The following SV2C variants were observed in gnomAD, a reference collection of about 807,000 sequenced individuals.
The protein encoded by SV2C is synaptic vesicle glycoprotein 2C, also known as solute carrier family 22 member B3.
In SV2C, 49 loss-of-function variants were observed where a neutral mutation model predicts 79.7. The observed-to-expected ratio is 0.61, with a 90% CI of 0.49 to 0.78. The LOEUF (loss-of-function observed/expected upper bound fraction) is 0.78, where lower values mean the gene tolerates loss of function less well. SV2C is among the 30% of genes least tolerant of loss of function. The pLI is 0.00. For missense variants in SV2C, 833 were observed against 912.9 expected (o/e 0.91, Z 1.13); for synonymous variants, 334 against 333.2 (o/e 1.00, Z -0.03).
the SV2C span, among the ~76,000 whole-genome samples, chr5:75,979,349 C>G: frequency 6.6e-6 from 1 of 151,920 alleles, no homozygotes; most frequent in Non-Finnish European, 1.5e-5. Flanking sequence ...CAGAAATATT[C>G]ATGACCTGAA....
the SV2C span, chr5:75,911,420 G>A: frequency 1.9e-6 from 2 of 1,042,150 alleles, no homozygotes; most frequent in East Asian, 4.7e-5. Flanking sequence ...CCCCCTAGTA[G>A]GCCTCCTCCA....
At chr5:75,874,874 G>T in the SV2C span, among the ~76,000 whole-genome samples, 1 of 151,892 alleles carries the variant, frequency 6.6e-6, no homozygotes, top group African/African-American at 2.4e-5. Context: ...CTCTGCAATG[G>T]GAATTATAAA....
At chr5:76,137,734 C>G (rs1749115743) in intron 2 of SV2C, among the ~76,000 whole-genome samples, 1 of 152,166 alleles carries the variant, frequency 6.6e-6, no homozygotes, top group Non-Finnish European at 1.5e-5. Flanking sequence ...TGTTTCCCTT[C>G]AGAACCAGTA....
the SV2C span, among the ~76,000 whole-genome samples, chr5:75,953,741 C>A: frequency 6.6e-6 from 1 of 151,938 alleles, no homozygotes; most frequent in Non-Finnish European, 1.5e-5. Context: ...GCGTTTTATA[C>A]CATTTCTCAG....
chr5:76,010,973 C>A, the SV2C span, among the ~76,000 whole-genome samples: 5 of 152,150 alleles, frequency 3.3e-5, no homozygotes, highest in Admixed American at 1.3e-4. Context: ...CCATTGCTAG[C>A]CTATGAAGCA....
chr5:75,965,107 C>G, the SV2C span, among the ~76,000 whole-genome samples: 3 of 152,128 alleles, frequency 2.0e-5, no homozygotes, highest in Non-Finnish European at 4.4e-5. Context: ...CTTGCAGACA[C>G]TTTGACTTGC....
At chr5:76,019,396 C>G in the SV2C span, among the ~76,000 whole-genome samples, 2 of 152,072 alleles carry the variant, frequency 1.3e-5, no homozygotes, top group Non-Finnish European at 2.9e-5. Context: ...TGCTCACCCT[C>G]CTTTTGAGAA....
intron 1 of SV2C, among the ~76,000 whole-genome samples, chr5:76,096,117 G>A (rs551797364): frequency 2.0e-4 from 31 of 152,162 alleles, no homozygotes; most frequent in African/African-American, 7.5e-4. Context: ...ATACACATTG[G>A]TATGATTTGT....
At chr5:75,890,202 C>T in the SV2C span, among the ~76,000 whole-genome samples, 4 of 152,078 alleles carry the variant, frequency 2.6e-5, no homozygotes, top group Admixed American at 2.6e-4. Context: ...GAAGTCAGCA[C>T]TCCAGGAGCG....
chr5:76,339,096 G>A (rs1319539418), intron 12 of SV2C, among the ~76,000 whole-genome samples: 1 of 151,988 alleles, frequency 6.6e-6, no homozygotes, highest in Non-Finnish European at 1.5e-5. Flanking sequence ...GGGAAGACGG[G>A]TCCTCTTTAA....
At chr5:76,319,510 T>A (rs906796095) in intron 12 of SV2C, among the ~76,000 whole-genome samples, 8 of 152,214 alleles carry the variant, frequency 5.3e-5, no homozygotes, top group Non-Finnish European at 1.0e-4. Context: ...GGTAGTCACG[T>A]TTTCTTGAAT....
Position 76,196,770 on chromosome 5 carries a change from C to T in SV2C, c.761+1671C>T, listed in dbSNP as rs193055660. ...CTTTTTTGGGAAATTGAAGCAATATCCAAAGACCCAAAAGTACATGACTGT... is the reference window on the plus strand; with the variant it reads ...CTTTTTTGGGAAATTGAAGCAATATTCAAAGACCCAAAAGTACATGACTGT... On this transcript the variant is annotated intron_variant, in intron 3 of 12. Transcript: ENST00000502798. 1.1e-3 allele frequency among the ~76,000 whole-genome samples: 163 copies of T among 152,244 alleles called. 1 individual carries two copies. Among genetic ancestry groups the T allele is most frequent in the Admixed American group, 2.0e-3 (31 of 15,292 alleles).
intron 2 of SV2C, chr5:76,174,251 C>T (rs976159303): frequency 2.3e-5 from 35 of 1,515,310 alleles, no homozygotes; most frequent in African/African-American, 1.8e-4. Context: ...CTGCAGCCAG[C>T]GTCGCCCCGT....
At chr5:76,289,654 A>C (rs1241644820) in intron 6 of SV2C, among the ~76,000 whole-genome samples, 1 of 152,078 alleles carries the variant, frequency 6.6e-6, no homozygotes, top group Non-Finnish European at 1.5e-5. Flanking sequence ...CTCCTTATTC[A>C]CTGCCCTCTG....
the SV2C span, among the ~76,000 whole-genome samples, chr5:75,992,604 T>C: frequency 1.3e-5 from 2 of 152,058 alleles, no homozygotes; most frequent in Non-Finnish European, 2.9e-5. Flanking sequence ...TGATTGGTCA[T>C]TGCACATCTG....
chr5:76,277,974 A>C (rs780424093), intron 4 of SV2C, among the ~76,000 whole-genome samples: 2 of 152,204 alleles, frequency 1.3e-5, no homozygotes, highest in Non-Finnish European at 2.9e-5. Flanking sequence ...ATGACTCTGC[A>C]TTTGTCAAGC....
the SV2C span, among the ~76,000 whole-genome samples, chr5:75,975,734 A>G: frequency 2.0e-5 from 3 of 152,168 alleles, no homozygotes; most frequent in African/African-American, 7.2e-5. Flanking sequence ...CAGGCATTGT[A>G]AAATAGAGAT....
the SV2C span, among the ~76,000 whole-genome samples, chr5:76,077,264 T>C: frequency 6.6e-6 from 1 of 152,068 alleles, no homozygotes; most frequent in Non-Finnish European, 1.5e-5. Flanking sequence ...GCATGTTAAA[T>C]AGCATAACGG....
chr5:75,911,340 C>T, the SV2C span: 1 of 1,321,988 alleles, frequency 7.6e-7, no homozygotes, highest in Non-Finnish European at 1.1e-6. Context: ...AAGTAGTCCT[C>T]CAAACCCGCA....
Sources: allele counts gnomAD v4.1 joint callset (sites outside exome capture counted in the v4.1 genomes callset), GRCh38; gene constraint gnomAD v4.1.1; transcripts MANE v1.5; gene names NCBI Gene and HGNC (gene_info 2026-07-23, HGNC 2026-07-21).